Variants in FAT3 observed in about 807,000 individuals in gnomAD.
The protein encoded by FAT3 is FAT atypical cadherin 3.
A neutral mutation model predicts 310.2 loss-of-function variants in FAT3; 95 were observed. That is an observed-to-expected ratio of 0.31 (90% CI 0.26 to 0.36). The LOEUF (loss-of-function observed/expected upper bound fraction) is 0.36. Among genes scored for constraint, FAT3 ranks in the 10% least tolerant of loss-of-function variants. The probability of loss-of-function intolerance (pLI) is 1.00; values close to 1 mark genes in which losing one functional copy is unlikely to be tolerated. For synonymous variants in FAT3, 2,314 were observed against 2,192.9 expected (o/e 1.06, Z -1.54); for missense variants, 5,408 against 5,715.6 (o/e 0.95, Z 1.74).
intron 13 of FAT3, among the ~76,000 whole-genome samples, chr11:92,815,477 G>A (rs1031735943): frequency 2.0e-5 from 3 of 152,076 alleles, no homozygotes; most frequent in Admixed American, 6.6e-5. Flanking sequence ...GGAGGCTGAG[G>A]CAGGAGAATG....
Position 92,800,505 on chromosome 11 carries a change from C to A in FAT3, c.7492C>A (p.Gln2498Lys), listed in dbSNP as rs1396699783. ...GANLYSPAFS[Q>K]STYVAEVREN... Reference sequence around the variant, plus strand: ...TAACTTGTACAGCCCTGCCTTTTCACAAAGCACATACGTAGCTGAGGTGAG... The same window carrying A: ...TAACTTGTACAGCCCTGCCTTTTCAAAAAGCACATACGTAGCTGAGGTGAG... Residue 2498 changes from glutamine (Q) to lysine (K), a missense_variant, in exon 10 of 28, where the codon CAA (glutamine) becomes AAA (lysine). By Grantham distance (53) the Gln-to-Lys change is moderately conservative. This residue lies in a region of FAT3 where 4,588 missense variants were observed against 4,809.8 expected (regional missense o/e 0.95). Transcript: ENST00000525166. 1.9e-6 allele frequency: 3 copies of A among 1,613,832 alleles called. No individual in the cohort carries two copies. The highest frequency in any genetic ancestry group is 2.7e-5 in the African/African-American group (2 of 74,922).
chr11:92,373,454 T>C (rs1437051133), intron 2 of FAT3, among the ~76,000 whole-genome samples: 7 of 152,160 alleles, frequency 4.6e-5, no homozygotes, highest in African/African-American at 1.7e-4. Flanking sequence ...ATACTCCTCT[T>C]GGAGTAGGTA....
At chr11:92,706,102 G>A (rs1417829302) in intron 4 of FAT3, among the ~76,000 whole-genome samples, 1 of 151,868 alleles carries the variant, frequency 6.6e-6, no homozygotes, top group African/African-American at 2.4e-5. Context: ...GTTAATGGTG[G>A]TGGTGGTAGT....
intron 3 of FAT3, among the ~76,000 whole-genome samples, chr11:92,627,921 A>G (rs1295859806): frequency 2.0e-5 from 3 of 152,334 alleles, no homozygotes; most frequent in African/African-American, 7.2e-5. Flanking sequence ...GACAGAGCCC[A>G]TGACTGGAGC....
At chr11:92,306,508 A>C (rs1411578469) in intron 1 of FAT3, among the ~76,000 whole-genome samples, 13 of 131,412 alleles carry the variant, frequency 9.9e-5, no homozygotes, top group Non-Finnish European at 1.9e-4. Context: ...TATATGTTAT[A>C]TATATTTATA....
chr11:92,507,892 A>G (rs769941015), intron 2 of FAT3, among the ~76,000 whole-genome samples: 2 of 152,054 alleles, frequency 1.3e-5, no homozygotes, highest in African/African-American at 4.8e-5. Flanking sequence ...CGAATCAACC[A>G]AACCTAATTA....
At chr11:92,289,500 TACACACACACACACACACACAC>T (rs10562084) in intron 1 of FAT3, among the ~76,000 whole-genome samples, 1 of 144,230 alleles carries the variant, frequency 6.9e-6, no homozygotes, top group South Asian at 2.3e-4. Context: ...CCATGATAGA[TACACACACACACACACACACAC>T]ACACACACAC....
chr11:92,412,702 GAT>G (rs758587642), intron 2 of FAT3, among the ~76,000 whole-genome samples: 68 of 13,470 alleles, frequency 5.0e-3, no homozygotes, highest in South Asian at 0.013. Context: ...TGATGGTGGT[GAT>G]ATATATATAT....
chr11:92,233,369 T>A (rs1864272103), intron 1 of FAT3, among the ~76,000 whole-genome samples: 1 of 152,270 alleles, frequency 6.6e-6, no homozygotes, highest in Non-Finnish European at 1.5e-5. Context: ...CACAGTCTGG[T>A]TGAACTAAGT....
At position 92,890,956 on chromosome 11, in the gene FAT3, T is replaced by C. The variant is rs757687635; in HGVS notation, c.13613T>C (p.Leu4538Ser). 86 of 1,613,872 alleles carry C rather than the reference T, an allele frequency of 5.3e-5. No homozygotes were observed. Among genetic ancestry groups the C allele is most frequent in the Non-Finnish European group, 1.0e-5 (12 of 1,179,886 alleles). ...TGPADSVSLS[L>S]HNSRGTSSSD... is the part of the protein sequence containing the mutation. ...CCAGCAGACAGCGTGTCTCTGTCCT[T>C]GCACAATTCCAGAGGCACCTCATCC... The change falls in exon 28 of 28, where the codon TTG becomes TCG. Residue 4538 changes from leucine (L) to serine (S), a missense_variant. By Grantham distance (145) the Leu-to-Ser change is moderately radical (BLOSUM62 -2). Coordinates refer to ENST00000525166, the MANE Select transcript of FAT3 (RefSeq NM_001367949.2).
chr11:92,566,135 C>A (rs1005535679), intron 3 of FAT3, among the ~76,000 whole-genome samples: 1 of 152,172 alleles, frequency 6.6e-6, no homozygotes, highest in Non-Finnish European at 1.5e-5. Flanking sequence ...ATCTAGAAAA[C>A]CCCATTGTCT....
chr11:92,593,130 G>C (rs372780681), intron 3 of FAT3, among the ~76,000 whole-genome samples: 5 of 152,002 alleles, frequency 3.3e-5, no homozygotes, highest in African/African-American at 7.3e-5. Flanking sequence ...TGTATGTGTC[G>C]GAATTTCCTT....
In FAT3 at chr11:92,512,509, A is replaced by AT. The variant is rs1416994793; in HGVS notation, c.3293-12125_3293-12124insT. Among the ~76,000 whole-genome samples, 427 of 144,238 alleles carry AT rather than the reference A, an allele frequency of 3.0e-3. 5 individuals are homozygous for AT. The highest frequency in any genetic ancestry group is 8.0e-3 in the African/African-American group (315 of 39,246). 94.6% of individuals were successfully genotyped at this position (144,238 alleles called of 152,430 possible). ...CTGCCCTGTTTTATATCTCAAAAAA[A>AT]AATATATATAAATATATATAAATTA... On this transcript the variant is annotated intron_variant, in intron 2 of 27. Transcript: ENST00000525166.
intron 3 of FAT3, among the ~76,000 whole-genome samples, chr11:92,642,338 G>C (rs1941993908): frequency 6.6e-6 from 1 of 152,172 alleles, no homozygotes; most frequent in South Asian, 2.1e-4. Flanking sequence ...GTCATCCTCA[G>C]AACCCAGTAA....
chr11:92,553,469 G>A (rs1406250956), intron 3 of FAT3, among the ~76,000 whole-genome samples: 1 of 152,168 alleles, frequency 6.6e-6, no homozygotes, highest in Non-Finnish European at 1.5e-5. Flanking sequence ...CATGGCTAGT[G>A]TGTTCTGACA....
intron 3 of FAT3, among the ~76,000 whole-genome samples, chr11:92,582,164 G>C (rs1938839836): frequency 6.6e-6 from 1 of 151,842 alleles, no homozygotes; most frequent in Non-Finnish European, 1.5e-5. Context: ...GGTCACTCTT[G>C]TCACCATCTT....
At position 92,581,798 on chromosome 11, in the gene FAT3, A is replaced by G. The variant is rs571350237; in HGVS notation, c.3607+56850A>G. Among the ~76,000 whole-genome samples the G allele has an allele frequency of 1.3e-5, 2 of 152,182 alleles. 1 individual carries two copies. The highest frequency in any genetic ancestry group is 4.1e-4 in the South Asian group (2 of 4,828). On this transcript the variant is annotated intron_variant, in intron 3 of 27. Coordinates refer to ENST00000525166, the MANE Select transcript of FAT3 (RefSeq NM_001367949.2). ...GCATGATGTAAAATGCTGTACATAAATTATTTAACCTACATAACTAGTGTT... is the reference window on the plus strand; with the variant it reads ...GCATGATGTAAAATGCTGTACATAAGTTATTTAACCTACATAACTAGTGTT...
At chr11:92,505,826 C>A (rs1027356217) in intron 2 of FAT3, among the ~76,000 whole-genome samples, 1 of 152,116 alleles carries the variant, frequency 6.6e-6, no homozygotes, top group Non-Finnish European at 1.5e-5. Context: ...TTCACTCATT[C>A]AACAAATATT....
intron 1 of FAT3, among the ~76,000 whole-genome samples, chr11:92,265,163 G>A (rs1250834653): frequency 6.6e-6 from 1 of 151,954 alleles, no homozygotes; most frequent in African/African-American, 2.4e-5. Flanking sequence ...GTCAGCTGTA[G>A]CCAGTTCACT....
Sources: allele counts gnomAD v4.1 joint callset (sites outside exome capture counted in the v4.1 genomes callset), GRCh38; gene constraint gnomAD v4.1.1; regional missense constraint gnomAD v4.1.1; transcripts MANE v1.5; gene names NCBI Gene and HGNC (gene_info 2026-07-23, HGNC 2026-07-21).